The following STK10 variants were observed in gnomAD, a reference collection of about 807,000 sequenced individuals.
STK10 encodes the protein serine/threonine-protein kinase 10.
In STK10, 78 loss-of-function variants were observed where a neutral mutation model predicts 113.8. That is an observed-to-expected ratio of 0.69 (90% CI 0.57 to 0.83). The LOEUF (loss-of-function observed/expected upper bound fraction) is 0.83, where lower values mean the gene tolerates loss of function less well. Among genes scored for constraint, STK10 ranks in the 40% least tolerant of loss-of-function variants. The pLI, the probability that STK10 is intolerant of heterozygous loss-of-function variation, is 0.00. For synonymous variants in STK10, 465 were observed against 494.7 expected (o/e 0.94, Z 0.80); for missense variants, 1,109 against 1,280.1 (o/e 0.87, Z 2.04).
intron 7 of STK10, among the ~76,000 whole-genome samples, chr5:172,103,516 G>A (rs942929294): frequency 3.3e-5 from 5 of 152,152 alleles, no homozygotes; most frequent in Non-Finnish European, 7.3e-5. Flanking sequence ...TATCAGGGCA[G>A]GAGGTGCCTC....
intron 15 of STK10, among the ~76,000 whole-genome samples, chr5:172,056,466 T>G (rs1177648633): frequency 1.3e-5 from 2 of 151,912 alleles, no homozygotes; most frequent in Non-Finnish European, 2.9e-5. Flanking sequence ...AGAGGTGGTG[T>G]TTAAGTGGAG....
intron 7 of STK10, among the ~76,000 whole-genome samples, chr5:172,099,008 CCAT>C (rs201269452): frequency 2.7e-4 from 40 of 149,664 alleles, no homozygotes; most frequent in Admixed American, 7.3e-4. Context: ...ATTACCATTA[CCAT>C]CATCATCATC....
rs1767554048 is a variant in STK10, at chr5:172,048,617, C to T, written c.2767-3595G>A. Among the ~76,000 whole-genome samples, 5 of 109,440 alleles carry T rather than the reference C, an allele frequency of 4.6e-5. No individual in the cohort carries two copies. In the South Asian group the frequency reaches 1.1e-3, roughly 24 times the overall value. 71.8% of individuals were successfully genotyped at this position (109,440 alleles called of 152,430 possible). ...AATTCCCCCAACCTCTGATACCATCCTAGTTCAAGATACCACCCTAGTCCA... is the reference window on the plus strand; with the variant it reads ...AATTCCCCCAACCTCTGATACCATCTTAGTTCAAGATACCACCCTAGTCCA... On this transcript the variant is annotated intron_variant, in intron 18 of 18. Transcript: ENST00000176763.
At chr5:172,138,694 G>A (rs1769917484) in intron 2 of STK10, among the ~76,000 whole-genome samples, 1 of 152,046 alleles carries the variant, frequency 6.6e-6, no homozygotes, top group Non-Finnish European at 1.5e-5. Flanking sequence ...CCTGTGCACT[G>A]AAAACTATAA....
chr5:172,099,801 T>C (rs1000529847), intron 7 of STK10, among the ~76,000 whole-genome samples: 3 of 152,154 alleles, frequency 2.0e-5, no homozygotes, highest in East Asian at 1.9e-4. Context: ...CAGAAATAAA[T>C]AAACACAGGC....
chr5:172,095,209 C>A (rs538036717), intron 8 of STK10, among the ~76,000 whole-genome samples: 1 of 152,312 alleles, frequency 6.6e-6, no homozygotes, highest in South Asian at 2.1e-4. Flanking sequence ...TCAGCTATGG[C>A]AGCTGGTGGA....
intron 12 of STK10, among the ~76,000 whole-genome samples, chr5:172,075,683 GATAA>G (rs1170980352): frequency 1.3e-5 from 2 of 151,968 alleles, no homozygotes; most frequent in Non-Finnish European, 2.9e-5. Flanking sequence ...TCCATCTCAA[GATAA>G]ATAAATAAAT....
intron 2 of STK10, among the ~76,000 whole-genome samples, chr5:172,138,919 C>T (rs979138616): frequency 6.6e-6 from 1 of 152,140 alleles, no homozygotes; most frequent in East Asian, 1.9e-4. Context: ...GAGGCTGAGG[C>T]AGGAGAATGG....
intron 16 of STK10, 118 bp downstream of exon 16, chr5:172,055,469 CG>C (rs1767727122): frequency 9.1e-7 from 1 of 1,094,636 alleles, no homozygotes; most frequent in African/African-American, 1.6e-5. Context: ...GGATTACAGA[CG>C]TGAGCCAGCC....
intron 18 of STK10, among the ~76,000 whole-genome samples, chr5:172,052,451 C>G (rs1767648458): frequency 6.6e-6 from 1 of 152,178 alleles, no homozygotes; most frequent in Non-Finnish European, 1.5e-5. Flanking sequence ...GAGAGCCCAC[C>G]CAGACTCTTG....
intron 2 of STK10, among the ~76,000 whole-genome samples, chr5:172,138,107 G>C (rs909327597): frequency 6.6e-6 from 1 of 152,012 alleles, no homozygotes; most frequent in African/African-American, 2.4e-5. Flanking sequence ...AATTGGAAAG[G>C]AGAAATAAAA....
chr5:172,107,930 A>C, intron 4 of STK10, 78 bp from the exon 5 acceptor site: 1 of 1,272,612 alleles, frequency 7.9e-7, no homozygotes, highest in Non-Finnish European at 1.1e-6. Flanking sequence ...TCAGGGGTAC[A>C]CATTCCAAGT....
At chr5:172,134,569 T>C (rs528741535) in intron 2 of STK10, among the ~76,000 whole-genome samples, 1 of 152,172 alleles carries the variant, frequency 6.6e-6, no homozygotes, top group Admixed American at 6.5e-5. Flanking sequence ...ATAGATACCC[T>C]GGACTTCATC....
intron 1 of STK10, among the ~76,000 whole-genome samples, chr5:172,181,266 G>A (rs1770849836): frequency 6.6e-6 from 1 of 152,162 alleles, no homozygotes; most frequent in Non-Finnish European, 1.5e-5. Flanking sequence ...GCGTAAAACT[G>A]TACTACTGGA....
At chr5:172,167,292 T>C (rs1289539448) in intron 1 of STK10, among the ~76,000 whole-genome samples, 2 of 152,048 alleles carry the variant, frequency 1.3e-5, no homozygotes, top group Non-Finnish European at 2.9e-5. Flanking sequence ...TAATGGGATA[T>C]TAAGTAACCC....
At chr5:172,155,044 G>A (rs1016400802) in intron 2 of STK10, among the ~76,000 whole-genome samples, 1 of 130,152 alleles carries the variant, frequency 7.7e-6, no homozygotes, top group Non-Finnish European at 1.5e-5. Context: ...TTCTTAATGG[G>A]TACATAGTCA....
chr5:172,062,124 C>G (rs1344217588), intron 13 of STK10, among the ~76,000 whole-genome samples: 1 of 151,250 alleles, frequency 6.6e-6, no homozygotes, highest in East Asian at 1.9e-4. Context: ...ACTACAGGTG[C>G]ACACCACCAC....
chr5:172,113,986 T>G (rs907272427), intron 4 of STK10, among the ~76,000 whole-genome samples: 3 of 152,214 alleles, frequency 2.0e-5, no homozygotes, highest in African/African-American at 4.8e-5. Flanking sequence ...AAGAAACTTA[T>G]GCATATCATC....
At chr5:172,058,972 C>T (rs1052220980) in intron 14 of STK10, among the ~76,000 whole-genome samples, 1 of 152,084 alleles carries the variant, frequency 6.6e-6, no homozygotes, top group African/African-American at 2.4e-5. Flanking sequence ...GCCTGTAATC[C>T]TAGCACTTTG....
Sources: gnomAD v4.1 joint callset for allele counts (sites outside exome capture counted in the v4.1 genomes callset) on GRCh38, gnomAD v4.1.1 for gene constraint, MANE v1.5 for transcripts, NCBI Gene and HGNC (gene_info 2026-07-23, HGNC 2026-07-21) for gene names.